GRIK1: variants seen among roughly 807,000 people sequenced by gnomAD.
GRIK1 encodes glutamate receptor ionotropic, kainate 1.
GRIK1 carries 69 observed loss-of-function variants against 105.7 expected under a neutral mutation model. The observed-to-expected ratio is 0.65, with a 90% CI of 0.54 to 0.80. The LOEUF (loss-of-function observed/expected upper bound fraction) is 0.80, where lower values mean the gene tolerates loss of function less well. Among genes scored for constraint, GRIK1 ranks in the 30% least tolerant of loss-of-function variants. The pLI is 0.00. For missense variants in GRIK1, 1,109 were observed against 1,167.3 expected (o/e 0.95, Z 0.73); for synonymous variants, 438 against 431.3 (o/e 1.02, Z -0.19).
chr21:29,677,915 T>A (rs1416914963), intron 3 of GRIK1, among the ~76,000 whole-genome samples: 2 of 152,200 alleles, frequency 1.3e-5, no homozygotes, highest in Non-Finnish European at 2.9e-5. Flanking sequence ...CACCTCTCAG[T>A]GTGAGAAATT....
chr21:29,832,109 C>T (rs113942083), intron 1 of GRIK1, among the ~76,000 whole-genome samples: 4 of 152,162 alleles, frequency 2.6e-5, no homozygotes, highest in African/African-American at 9.7e-5. Flanking sequence ...CCAAAATAAT[C>T]TTCTTTGACT....
At chr21:29,781,860 C>A (rs867417847) in intron 1 of GRIK1, among the ~76,000 whole-genome samples, 3 of 149,006 alleles carry the variant, frequency 2.0e-5, no homozygotes, top group Non-Finnish European at 3.0e-5. Flanking sequence ...TTAGTAGAGA[C>A]GGGGTTTCAC....
intron 14 of GRIK1, among the ~76,000 whole-genome samples, chr21:29,565,585 AC>A (rs34662498): frequency 0.37 from 56,176 of 152,056 alleles, 12,265 homozygotes; most frequent in South Asian, 0.48. Context: ...GGCACCTGCT[AC>A]CATGCCCAGC....
intron 1 of GRIK1, among the ~76,000 whole-genome samples, chr21:29,825,132 T>C (rs778746280): frequency 1.3e-5 from 2 of 152,132 alleles, no homozygotes; most frequent in Non-Finnish European, 2.9e-5. Context: ...GGTTCCTAAA[T>C]GAGGAATCAT....
intron 1 of GRIK1, among the ~76,000 whole-genome samples, chr21:29,821,596 CA>C (rs1416176900): frequency 1.3e-5 from 2 of 151,946 alleles, no homozygotes; most frequent in Non-Finnish European, 2.9e-5. Context: ...ATGTTTTAAG[CA>C]GATATTCGTA....
At chr21:29,838,265 G>A (rs563429658) in intron 1 of GRIK1, among the ~76,000 whole-genome samples, 98 of 152,202 alleles carry the variant, frequency 6.4e-4, no homozygotes, top group African/African-American at 2.3e-3. Context: ...ACTGGGGGCT[G>A]CAGAAACTGA....
chr21:29,653,254 A>G (rs1249455366), intron 5 of GRIK1, among the ~76,000 whole-genome samples: 1 of 152,194 alleles, frequency 6.6e-6, no homozygotes, highest in Non-Finnish European at 1.5e-5. Flanking sequence ...AAACTGCCAG[A>G]ATACACATGA....
At chr21:29,734,444 T>A (rs969124944) in intron 1 of GRIK1, among the ~76,000 whole-genome samples, 1 of 150,168 alleles carries the variant, frequency 6.7e-6, no homozygotes, top group African/African-American at 2.5e-5. Context: ...AGTCTTACTC[T>A]CTTGCCCAGG....
At chr21:29,885,331 T>A (rs1393459965) in intron 1 of GRIK1, among the ~76,000 whole-genome samples, 2 of 152,086 alleles carry the variant, frequency 1.3e-5, no homozygotes, top group Non-Finnish European at 2.9e-5. Context: ...ATATTAAAAG[T>A]TCTCTTCTCA....
intron 1 of GRIK1, among the ~76,000 whole-genome samples, chr21:29,725,280 G>A (rs2064429210): frequency 6.6e-6 from 1 of 152,194 alleles, no homozygotes; most frequent in Non-Finnish European, 1.5e-5. Flanking sequence ...ACATTGGAGA[G>A]TAAGCAACAA....
chr21:29,770,779 C>T (rs771298726), intron 1 of GRIK1, among the ~76,000 whole-genome samples: 8 of 152,112 alleles, frequency 5.3e-5, no homozygotes, highest in African/African-American at 7.2e-5. Flanking sequence ...GTCTTTAAAA[C>T]GCTGGTCTCA....
intron 3 of GRIK1, among the ~76,000 whole-genome samples, chr21:29,684,485 A>G (rs1214214401): frequency 6.6e-6 from 1 of 152,108 alleles, no homozygotes; most frequent in Non-Finnish European, 1.5e-5. Context: ...AGTTTTTGCC[A>G]CTACTTTTAA....
chr21:29,581,396 C>A, intron 13 of GRIK1, 29 bp downstream of exon 13: 1 of 1,237,446 alleles, frequency 8.1e-7, no homozygotes, highest in East Asian at 2.3e-5. Flanking sequence ...CTGTGGGATG[C>A]GTGTGACAAA....
At chr21:29,621,505 G>A (rs966390608) in intron 7 of GRIK1, among the ~76,000 whole-genome samples, 4 of 152,108 alleles carry the variant, frequency 2.6e-5, no homozygotes, top group Non-Finnish European at 4.4e-5. Flanking sequence ...CCAAGCTAAA[G>A]ATCCAAATTT....
intron 1 of GRIK1, among the ~76,000 whole-genome samples, chr21:29,772,392 G>A (rs555354040): frequency 3.3e-5 from 5 of 152,246 alleles, no homozygotes; most frequent in South Asian, 2.1e-4. Context: ...AGGGACAACC[G>A]TTTCCTGCCC....
Position 29,709,664 on chromosome 21 carries a change from A to T in GRIK1, c.119-15601T>A, listed in dbSNP as rs1182468640. Among the ~76,000 whole-genome samples, 3 of 152,140 alleles carry T rather than the reference A, an allele frequency of 2.0e-5. No individual in the cohort carries two copies. The East Asian group carries it at 5.8e-4, about 29-fold the overall frequency. ...TATTTATATCAGGATATTTATATTT[A>T]TTAGCTTTATTTTATAGTTTTCAAA... is the stretch of plus-strand genomic sequence containing the variant. On this transcript the variant is annotated intron_variant, in intron 1 of 17. Coordinates refer to ENST00000327783, the MANE Select transcript of GRIK1 (RefSeq NM_001330994.2).
At chr21:29,616,851 C>T (rs1378956422) in intron 7 of GRIK1, among the ~76,000 whole-genome samples, 2 of 152,318 alleles carry the variant, frequency 1.3e-5, no homozygotes, top group African/African-American at 4.8e-5. Context: ...AAGCAACATA[C>T]ATTCTGCCTA....
chr21:29,627,495 A>T (rs2898163), intron 7 of GRIK1, among the ~76,000 whole-genome samples: 5 of 152,148 alleles, frequency 3.3e-5, no homozygotes, highest in African/African-American at 1.2e-4. Flanking sequence ...CCCGTGCCCC[A>T]CACCATCACC....
intron 7 of GRIK1, among the ~76,000 whole-genome samples, chr21:29,616,405 A>G (rs185548144): frequency 1.3e-5 from 2 of 152,252 alleles, no homozygotes; most frequent in African/African-American, 4.8e-5. Context: ...CCAAGTGCTC[A>G]TTTACTTACA....
Sources: allele counts gnomAD v4.1 joint callset (sites outside exome capture counted in the v4.1 genomes callset), GRCh38; gene constraint gnomAD v4.1.1; transcripts MANE v1.5; gene names NCBI Gene and HGNC (gene_info 2026-07-23, HGNC 2026-07-21).